FAM174B: variants seen among roughly 807,000 people sequenced by gnomAD.
FAM174B encodes the protein family with sequence similarity 174 member B, also known as membrane protein FAM174B.
A neutral mutation model predicts 10.9 loss-of-function variants in FAM174B; 12 were observed. The ratio of observed to expected loss-of-function variants is 1.10; its 90% confidence interval spans 0.71 to 1.79. The LOEUF is 1.79. Among genes scored for constraint, FAM174B ranks in the 40% most tolerant of loss-of-function variants. FAM174B has a pLI of 0.00. For synonymous variants in FAM174B, 132 were observed against 115.8 expected (o/e 1.14, Z -0.90); for missense variants, 266 against 233.3 (o/e 1.14, Z -0.91).
At chr15:92,629,875 G>C (rs553005917) in intron 2 of FAM174B, among the ~76,000 whole-genome samples, 9 of 152,218 alleles carry the variant, frequency 5.9e-5, no homozygotes, top group African/African-American at 2.2e-4. Context: ...TTTTCTAAGG[G>C]GGAGTTCCCC....
chr15:92,631,063 G>A (rs1394241906), intron 1 of FAM174B, among the ~76,000 whole-genome samples: 1 of 39,534 alleles, frequency 2.5e-5, no homozygotes, highest in Non-Finnish European at 4.6e-5. Context: ...TATATATTAC[G>A]TATTACATAT....
chr15:92,635,172 C>T (rs1301277356), intron 1 of FAM174B, among the ~76,000 whole-genome samples: 2 of 129,174 alleles, frequency 1.5e-5, no homozygotes, highest in African/African-American at 3.6e-5. Context: ...CACACACCCA[C>T]ACACACACAC....
chr15:92,650,559 G>A (rs1438677944), intron 1 of FAM174B, among the ~76,000 whole-genome samples: 1 of 152,202 alleles, frequency 6.6e-6, no homozygotes, highest in African/African-American at 2.4e-5. Flanking sequence ...TGGTTTCGAG[G>A]TGGCAGGGTT....
At chr15:92,623,833 T>C (rs559299150) in intron 2 of FAM174B, among the ~76,000 whole-genome samples, 7 of 152,376 alleles carry the variant, frequency 4.6e-5, no homozygotes, top group African/African-American at 1.4e-4. Context: ...CTGGCAGTTC[T>C]ACTGCTTCCA....
intron 1 of FAM174B, among the ~76,000 whole-genome samples, chr15:92,632,784 A>C (rs896016270): frequency 5.9e-5 from 9 of 152,066 alleles, no homozygotes; most frequent in Admixed American, 3.3e-4. Context: ...AGCCTCTCAG[A>C]ATACTGGGGA....
At chr15:92,624,638 T>C (rs778359914) in intron 2 of FAM174B, among the ~76,000 whole-genome samples, 16 of 152,226 alleles carry the variant, frequency 1.1e-4, no homozygotes, top group Non-Finnish European at 2.1e-4. Flanking sequence ...AGTGGAAATC[T>C]CGTGGGTTTC....
At position 92,643,758 on chromosome 15, in the gene FAM174B, G is replaced by A. The variant is rs148511603; in HGVS notation, c.344+11558C>T. Among the ~76,000 whole-genome samples, 881 of 152,256 alleles carry A rather than the reference G, an allele frequency of 5.8e-3. 8 individuals are homozygous for A. Among genetic ancestry groups the A allele is most frequent in the African/African-American group, 0.02 (831 of 41,544 alleles). The stretch of plus-strand genomic sequence containing the variant: ...ACTCAAACCTTTCCTCCACCTGGAG[G>A]AAATGGAAATAGTGGGCTGTTTCCA... On this transcript the variant is annotated intron_variant, in intron 1 of 2. Coordinates refer to ENST00000327355, the MANE Select transcript of FAM174B (RefSeq NM_207446.3).
chr15:92,642,659 T>A (rs1012330655), intron 1 of FAM174B, among the ~76,000 whole-genome samples: 6 of 152,204 alleles, frequency 3.9e-5, no homozygotes, highest in Admixed American at 6.5e-5. Flanking sequence ...TCTTCCGCCA[T>A]GATTATAAGT....
At chr15:92,633,312 T>G (rs1048647727) in intron 1 of FAM174B, among the ~76,000 whole-genome samples, 1 of 152,212 alleles carries the variant, frequency 6.6e-6, no homozygotes, top group Non-Finnish European at 1.5e-5. Flanking sequence ...TAAAAATTTC[T>G]TAGCAACAGC....
intron 2 of FAM174B, among the ~76,000 whole-genome samples, chr15:92,622,311 C>A (rs919717500): frequency 3.9e-5 from 6 of 152,354 alleles, no homozygotes; most frequent in Admixed American, 3.9e-4. Context: ...CGCGCCTCCA[C>A]GGGGAGAAGT....
intron 1 of FAM174B, chr15:92,645,379 C>G (rs2050919690): frequency 6.6e-6 from 1 of 152,286 alleles, no homozygotes; most frequent in Non-Finnish European, 1.5e-5. Context: ...CCAGCATGGG[C>G]CAGACAACCC....
chr15:92,634,955 A>G (rs2050843650), intron 1 of FAM174B, among the ~76,000 whole-genome samples: 1 of 152,106 alleles, frequency 6.6e-6, no homozygotes, highest in Non-Finnish European at 1.5e-5. Context: ...AAACTAACAC[A>G]TCGGCTCTTT....
At chr15:92,619,506 C>T (rs376350238) in intron 2 of FAM174B, 47 bp from the exon 3 acceptor site, 19 of 1,601,874 alleles carry the variant, frequency 1.2e-5, no homozygotes, top group African/African-American at 2.7e-5. Flanking sequence ...GGCAGAGCCT[C>T]GCACCCATTC....
At chr15:92,619,704 A>C in intron 2 of FAM174B, 1 of 572,636 alleles carries the variant, frequency 1.7e-6, no homozygotes, top group South Asian at 2.4e-5. Flanking sequence ...CCTAGAACAC[A>C]ACCTCTTTCT....
intron 1 of FAM174B, among the ~76,000 whole-genome samples, chr15:92,637,781 AC>A (rs1243919112): frequency 1.3e-5 from 2 of 152,102 alleles, no homozygotes; most frequent in African/African-American, 4.8e-5. Context: ...CAGAGACTAC[AC>A]GGCTGTGATG....
chr15:92,645,569 C>T (rs1350355632), intron 1 of FAM174B: 1 of 152,340 alleles, frequency 6.6e-6, no homozygotes, highest in African/African-American at 2.4e-5. Flanking sequence ...TGCCCCAAGA[C>T]CTGTTCCTCC....
intron 1 of FAM174B, among the ~76,000 whole-genome samples, chr15:92,630,979 A>G (rs1286716988): frequency 1.9e-3 from 1 of 534 alleles, no homozygotes; most frequent in Non-Finnish European, 3.5e-3. Context: ...TACATATTAT[A>G]TATTATATAT....
chr15:92,646,239 G>A (rs1445340785), intron 1 of FAM174B, among the ~76,000 whole-genome samples: 1 of 152,114 alleles, frequency 6.6e-6, no homozygotes, highest in Non-Finnish European at 1.5e-5. Context: ...GAGAAGCCCT[G>A]TGATTACTTC....
chr15:92,623,323 T>C (rs1257979499), intron 2 of FAM174B, among the ~76,000 whole-genome samples: 2 of 152,056 alleles, frequency 1.3e-5, no homozygotes, highest in African/African-American at 4.8e-5. Context: ...CCAAGAGGCC[T>C]CTCTCGGCCC....
Sources: allele counts gnomAD v4.1 joint callset (sites outside exome capture counted in the v4.1 genomes callset), GRCh38; gene constraint gnomAD v4.1.1; transcripts MANE v1.5; gene names NCBI Gene and HGNC (gene_info 2026-07-23, HGNC 2026-07-21).